The following TACO1 variants were observed in gnomAD, a reference collection of about 807,000 sequenced individuals.
TACO1 encodes translational activator of cytochrome c oxidase I, also known as translational activator of cytochrome c oxidase 1.
In TACO1, 13 loss-of-function variants were observed where a neutral mutation model predicts 24.0. The ratio of observed to expected loss-of-function variants is 0.54; its 90% CI spans 0.35 to 0.86. TACO1 has a LOEUF of 0.86. Ranked by LOEUF, TACO1 falls within the 40% of genes least tolerant of loss-of-function variation. TACO1 has a pLI of 0.01. For missense variants in TACO1, 352 were observed against 380.1 expected (o/e 0.93, Z 0.61); for synonymous variants, 149 against 153.5 (o/e 0.97, Z 0.22).
Position 63,608,110 on chromosome 17 carries a change from G to A in TACO1, c.*108G>A. 1 of 1,260,264 alleles carries A rather than the reference G, an allele frequency of 7.9e-7. No individual in the cohort carries two copies. The highest frequency in any genetic ancestry group is 1.9e-5 in the Admixed American group (1 of 51,976). The allele number at this position is 1,260,264 out of a possible 1,614,324, so 78.1% of individuals were successfully genotyped here. A position where few individuals can be genotyped will look rare whatever the true frequency, so the allele number is the denominator to read the frequency against. The stretch of plus-strand genomic sequence containing the variant: ...GGTAAAGCCGGTGGGAGGCTCAGCA[G>A]GCCAGGAGGCCCAAGGACAGGACTT... On this transcript the variant is annotated 3_prime_UTR_variant, in exon 5 of 5. Transcript: ENST00000258975.
In TACO1 at chr17:63,607,857, G is replaced by A. The variant is rs2033874871; in HGVS notation, c.749G>A (p.Gly250Asp). 2 of 1,614,056 alleles carry A rather than the reference G, an allele frequency of 1.2e-6. No homozygotes were observed. The highest frequency in any genetic ancestry group is 3.3e-5 in the Admixed American group (2 of 59,998). The change falls in exon 5 of 5, where the codon GGC becomes GAC. Residue 250 changes from glycine (G) to aspartate (D), a missense_variant. Physicochemically the swap from Gly to Asp is moderately conservative, Grantham distance 94 (BLOSUM62 -1). Coordinates refer to ENST00000258975, the MANE Select transcript of TACO1 (RefSeq NM_016360.4). ...HQVRKKLDSL[G>D]LCSVSCALEF... ...GTGAGGAAGAAGCTGGACTCCCTGG[G>A]CCTGTGTTCTGTGTCCTGTGCACTA...
At chr17:63,602,101 A>AC (rs1332953026) in intron 1 of TACO1, among the ~76,000 whole-genome samples, 7 of 150,606 alleles carry the variant, frequency 4.6e-5, no homozygotes, top group Non-Finnish European at 8.9e-5. Context: ...AAAAAAAAAA[A>AC]AAAAAAAAAA....
chr17:63,602,650 C>T lies in TACO1; in HGVS notation c.280+1287C>T, dbSNP rs559366797. ...CAAGTGATTCTCCTGCTTTAGCCTC[C>T]GGAGTAGCTGGGACTACAAGTGTGC... On this transcript the variant is annotated intron_variant, in intron 1 of 4. Coordinates refer to ENST00000258975, the MANE Select transcript of TACO1 (RefSeq NM_016360.4). Among the ~76,000 whole-genome samples, 19 of 152,084 alleles carry T rather than the reference C, an allele frequency of 1.2e-4. No individual in the cohort carries two copies. In the South Asian group the frequency reaches 2.9e-3, roughly 23 times the overall value.
intron 1 of TACO1, among the ~76,000 whole-genome samples, chr17:63,602,898 A>G (rs151033874): frequency 1.3e-5 from 2 of 152,294 alleles, no homozygotes; most frequent in East Asian, 1.9e-4. Context: ...GATGAGATAC[A>G]GCCCCTACCC....
chr17:63,604,063 G>T (rs28717033), intron 1 of TACO1, among the ~76,000 whole-genome samples: 1 of 151,734 alleles, frequency 6.6e-6, no homozygotes, highest in African/African-American at 2.4e-5. Context: ...CCAGGCCAGG[G>T]GCAGTGGCTC....
At chr17:63,605,838 G>T (rs2033858236) in intron 2 of TACO1, among the ~76,000 whole-genome samples, 1 of 152,200 alleles carries the variant, frequency 6.6e-6, no homozygotes, top group Non-Finnish European at 1.5e-5. Flanking sequence ...GAAGAGATTA[G>T]TCCCTAGAGC....
In TACO1 at chr17:63,608,329, C is replaced by T. The variant is rs751922610; in HGVS notation, c.*327C>T. 7.1e-5 allele frequency: 29 copies of T among 411,322 alleles called. No homozygotes were observed. The highest frequency in any genetic ancestry group is 1.2e-4 in the Non-Finnish European group (26 of 217,568). The allele number at this position is 411,322 out of a possible 1,614,324, so 25.5% of individuals were successfully genotyped here. ...GCCCTGAGGCGCTCTGTACTAGAAA[C>T]TGCTCTTAATAATAACGGTGATTAT... On this transcript the variant is annotated 3_prime_UTR_variant, in exon 5 of 5. Transcript: ENST00000258975.
In TACO1 at chr17:63,608,085, G is replaced by T. The variant is rs957097883; in HGVS notation, c.*83G>T. 5.4e-6 allele frequency: 8 copies of T among 1,495,108 alleles called. No homozygotes were observed. In the Admixed American group the frequency reaches 7.2e-5, roughly 13 times the overall value. 92.6% of individuals were successfully genotyped at this position (1,495,108 alleles called of 1,614,324 possible). On this transcript the variant is annotated 3_prime_UTR_variant, in exon 5 of 5. Coordinates refer to ENST00000258975, the MANE Select transcript of TACO1 (RefSeq NM_016360.4). ...ACAGGCTTCTGCAGCAATCTCTGAG[G>T]GTAAAGCCGGTGGGAGGCTCAGCAG...
chr17:63,607,981 C>A lies in TACO1; in HGVS notation c.873C>A (p.His291Gln), dbSNP rs370007551. Residue 291 changes from histidine (H) to glutamine (Q), a missense_variant, in exon 5 of 5, where the codon CAC (histidine) becomes CAA (glutamine). By Grantham distance (24) the His-to-Gln change is conservative. Coordinates refer to ENST00000258975, the MANE Select transcript of TACO1 (RefSeq NM_016360.4). ...TCAGCAACCACGAGGATGTGATTCA[C>A]GTCTATGATAACATTGAATAACCAG... ...QALSNHEDVIHVYDNIE is the reference protein window; with the variant it reads ...QALSNHEDVIQVYDNIE 1 of 1,614,182 alleles carries A rather than the reference C, an allele frequency of 6.2e-7. No individual in the cohort carries two copies. Among genetic ancestry groups the A allele is most frequent in the East Asian group, 2.2e-5 (1 of 44,884 alleles).
At chr17:63,603,100 G>A (rs1411652547) in intron 1 of TACO1, among the ~76,000 whole-genome samples, 1 of 152,034 alleles carries the variant, frequency 6.6e-6, no homozygotes, top group Non-Finnish European at 1.5e-5. Flanking sequence ...AGGCGTGGTG[G>A]TGGCGGGCGC....
At chr17:63,606,600 C>T in intron 3 of TACO1, 160 bp downstream of exon 3, 1 of 843,070 alleles carries the variant, frequency 1.2e-6, no homozygotes, top group Non-Finnish European at 1.9e-6. Context: ...GGCTGGAGTG[C>T]AATGGCATGA....
Position 63,603,160 on chromosome 17 carries a change from C to T in TACO1, c.281-1374C>T, listed in dbSNP as rs559516151. Reference sequence around the variant, plus strand: ...CTGAGGCAGGAGAATGGCGTGAACCCAGAAGGCGGCGCTTGCAGTGAGCCG... The same window carrying T: ...CTGAGGCAGGAGAATGGCGTGAACCTAGAAGGCGGCGCTTGCAGTGAGCCG... On this transcript the variant is annotated intron_variant, in intron 1 of 4. Coordinates refer to ENST00000258975, the MANE Select transcript of TACO1 (RefSeq NM_016360.4). Among the ~76,000 whole-genome samples, 3 of 152,104 alleles carry T rather than the reference C, an allele frequency of 2.0e-5. No homozygotes were observed. The East Asian group carries it at 5.8e-4, about 30-fold the overall frequency.
At chr17:63,605,136 T>A (rs1197445215) in intron 2 of TACO1, among the ~76,000 whole-genome samples, 2 of 152,098 alleles carry the variant, frequency 1.3e-5, no homozygotes, top group Non-Finnish European at 2.9e-5. Context: ...GGGAGTAGGA[T>A]GCATAGGCAG....
At chr17:63,607,207 C>T in intron 3 of TACO1, 80 bp from the exon 4 acceptor site, 4 of 1,271,250 alleles carry the variant, frequency 3.1e-6, no homozygotes, top group Non-Finnish European at 4.5e-6. Context: ...AAGAAAGAGA[C>T]AGTGATAGAA....
intron 1 of TACO1, among the ~76,000 whole-genome samples, chr17:63,602,090 C>CAAAAAAAAAAAAAAAAAA (rs11288092): frequency 1.2e-5 from 1 of 84,220 alleles, no homozygotes; most frequent in Non-Finnish European, 2.2e-5. Flanking sequence ...CTAAAAATAA[C>CAAAAAAAAAAAAAAAAAA]AAAAAAAAAA....
Position 63,607,290 on chromosome 17 carries a change from A to C in TACO1, c.519A>C (p.Gly173=). Residue 173 remains glycine (G), a synonymous_variant, in exon 4 of 5, where the codon GGA becomes GGC. Transcript: ENST00000258975. ...DIRHILNKNG[G]VMAVGARHSF... is the part of the protein sequence containing the mutation. ...AGCCTGTTTCCTTCCCTGTCAGAGG[A>C]GTGATGGCTGTAGGAGCTCGTCACT... The C allele has an allele frequency of 6.2e-7, 1 of 1,613,566 alleles. No individual in the cohort carries two copies.
At chr17:63,606,531 TCAGGG>T in intron 3 of TACO1, 91 bp downstream of exon 3, 2 of 1,557,428 alleles carry the variant, frequency 1.3e-6, no homozygotes, top group East Asian at 4.5e-5. Context: ...TGCTAGTGTT[TCAGGG>T]TTTTGTTTTT....
chr17:63,607,788 T>C lies in TACO1; in HGVS notation c.694-14T>C. ...CTCCTGGCTCCTCACCTCCTGACTT[T>C]CCTTTATCCCTAGTTTATTTGTGAT... is the stretch of plus-strand genomic sequence containing the variant. On this transcript the variant is annotated splice_polypyrimidine_tract_variant and intron_variant, in intron 4 of 4. Transcript: ENST00000258975. The C allele has an allele frequency of 3.7e-6, 6 of 1,613,400 alleles. No homozygotes were observed. The highest frequency in any genetic ancestry group is 5.1e-6 in the Non-Finnish European group (6 of 1,179,860).
In TACO1 at chr17:63,608,087, T is replaced by C; in HGVS notation, c.*85T>C. The stretch of plus-strand genomic sequence containing the variant: ...AGGCTTCTGCAGCAATCTCTGAGGG[T>C]AAAGCCGGTGGGAGGCTCAGCAGGC... On this transcript the variant is annotated 3_prime_UTR_variant, in exon 5 of 5. Coordinates refer to ENST00000258975, the MANE Select transcript of TACO1 (RefSeq NM_016360.4). 2 of 1,494,878 alleles carry C rather than the reference T, an allele frequency of 1.3e-6. No individual in the cohort carries two copies. The highest frequency in any genetic ancestry group is 1.8e-5 in the Admixed American group (1 of 55,876). The allele number at this position is 1,494,878 out of a possible 1,614,324, so 92.6% of individuals were successfully genotyped here.
Sources: gnomAD v4.1 joint callset for allele counts (sites outside exome capture counted in the v4.1 genomes callset) on GRCh38, gnomAD v4.1.1 for gene constraint, MANE v1.5 for transcripts, NCBI Gene and HGNC (gene_info 2026-07-23, HGNC 2026-07-21) for gene names.